The following TMBIM6 variants were observed in gnomAD, a reference collection of about 807,000 sequenced individuals.
TMBIM6 encodes the protein bax inhibitor 1.
TMBIM6 carries 13 observed loss-of-function variants against 31.4 expected under a neutral mutation model. The ratio of observed to expected loss-of-function variants is 0.41; its 90% CI spans 0.27 to 0.66. The LOEUF is 0.66. TMBIM6 is among the 30% of genes least tolerant of loss of function. The pLI is 0.28. For synonymous variants in TMBIM6, 85 were observed against 101.7 expected (o/e 0.84, Z 0.99); for missense variants, 275 against 289.5 (o/e 0.95, Z 0.36).
At chr12:49,758,799 C>A in intron 7 of TMBIM6, 37 bp downstream of exon 7, 1 of 1,531,562 alleles carries the variant, frequency 6.5e-7, no homozygotes, top group Non-Finnish European at 8.9e-7. Flanking sequence ...CAGCCATTTG[C>A]CTCACACTTC....
intron 1 of TMBIM6, among the ~76,000 whole-genome samples, chr12:49,745,541 A>G (rs2136927970): frequency 6.6e-6 from 1 of 152,266 alleles, no homozygotes; most frequent in East Asian, 1.9e-4. Flanking sequence ...CCTGGCCAAC[A>G]TGGCAAAACC....
chr12:49,755,758 A>G lies in TMBIM6; in HGVS notation c.286+3A>G. ...TGCTGGATTTGCATTCCTTACAGGT[A>G]CGTTAAGGGATTTGTCTAATTTTGA... On this transcript the variant is annotated splice_donor_region_variant and intron_variant, in intron 4 of 9. Coordinates refer to ENST00000267115, the MANE Select transcript of TMBIM6 (RefSeq NM_003217.3). The G allele has an allele frequency of 6.2e-7, 1 of 1,612,770 alleles. No homozygotes were observed. The highest frequency in any genetic ancestry group is 8.5e-7 in the Non-Finnish European group (1 of 1,179,462).
intron 1 of TMBIM6, among the ~76,000 whole-genome samples, chr12:49,750,931 C>T (rs1183471122): frequency 3.3e-5 from 5 of 152,176 alleles, no homozygotes; most frequent in Non-Finnish European, 7.3e-5. Context: ...GTGCTTCATT[C>T]AGTAGGTGGC....
chr12:49,752,790 G>T (rs1431614966), intron 2 of TMBIM6, among the ~76,000 whole-genome samples, 183 bp from the exon 3 acceptor site: 1 of 152,100 alleles, frequency 6.6e-6, no homozygotes, highest in Non-Finnish European at 1.5e-5. Flanking sequence ...AGCATTTAAG[G>T]TTCTGTTAAC....
At chr12:49,758,033 TAAAA>T (rs774037062) in intron 4 of TMBIM6, among the ~76,000 whole-genome samples, 190 bp from the exon 5 acceptor site, 7 of 133,176 alleles carry the variant, frequency 5.3e-5, no homozygotes, top group East Asian at 2.2e-4. Context: ...GCTATTTCTA[TAAAA>T]AAAAAAAAAA....
At position 49,763,939 on chromosome 12, in the gene TMBIM6, A is replaced by G. The variant is rs1042976685; in HGVS notation, c.*1043A>G. 6.6e-6 allele frequency: 1 copy of G among 152,254 alleles called. No individual in the cohort carries two copies. The highest frequency in any genetic ancestry group is 6.5e-5 in the Admixed American group (1 of 15,280). 9.4% of individuals were successfully genotyped at this position (152,254 alleles called of 1,614,324 possible). On this transcript the variant is annotated 3_prime_UTR_variant, in exon 10 of 10. Transcript: ENST00000267115. ...GGCTGTGATAACTTAGGAGGCAGCA[A>G]TCCTAATAGTCCTTCAGTGCATTTT...
intron 6 of TMBIM6, 57 bp from the exon 7 acceptor site, chr12:49,758,626 G>T (rs1247197741): frequency 2.5e-6 from 4 of 1,589,618 alleles, no homozygotes; most frequent in Non-Finnish European, 3.5e-6. Context: ...GGCTTTAATG[G>T]GATTGCTTTA....
chr12:49,755,990 C>T (rs1188292893), intron 4 of TMBIM6, among the ~76,000 whole-genome samples: 1 of 151,868 alleles, frequency 6.6e-6, no homozygotes, highest in African/African-American at 2.4e-5. Context: ...CCTGCCACCA[C>T]ACCCGGCTAA....
At chr12:49,760,579 C>T (rs552440184) in intron 8 of TMBIM6, among the ~76,000 whole-genome samples, 1 of 143,246 alleles carries the variant, frequency 7.0e-6, no homozygotes, top group East Asian at 2.0e-4. Context: ...CTTTGTCACC[C>T]AGGCTGGAGT....
At chr12:49,750,164 C>T (rs1462737620) in intron 1 of TMBIM6, among the ~76,000 whole-genome samples, 1 of 152,048 alleles carries the variant, frequency 6.6e-6, no homozygotes, top group Non-Finnish European at 1.5e-5. Context: ...CAGTCAGTAC[C>T]CCCTGGGAAA....
intron 1 of TMBIM6, chr12:49,741,894 G>C (rs1411827786): frequency 3.4e-6 from 2 of 584,010 alleles, no homozygotes; most frequent in Non-Finnish European, 5.8e-6. Flanking sequence ...CAGAGCGCTG[G>C]CGAAGGCCCC....
rs932297026 is a variant in TMBIM6 at position 49,763,419 on chromosome 12, T to A, written c.*523T>A. 2 of 152,978 alleles carry A rather than the reference T, an allele frequency of 1.3e-5. No individual in the cohort carries two copies. The highest frequency in any genetic ancestry group is 2.9e-5 in the Non-Finnish European group (2 of 68,552). The allele number at this position is 152,978 out of a possible 1,614,324, so 9.5% of individuals were successfully genotyped here. A position where few individuals can be genotyped will look rare whatever the true frequency, so the allele number is the denominator to read the frequency against. ...GGCCCTACAAAGAAAATGGAGAGCCTCTTCTGGTGGATGCTTTGCTCCCTC... is the reference window on the plus strand; with the variant it reads ...GGCCCTACAAAGAAAATGGAGAGCCACTTCTGGTGGATGCTTTGCTCCCTC... On this transcript the variant is annotated 3_prime_UTR_variant, in exon 10 of 10. Coordinates refer to ENST00000267115, the MANE Select transcript of TMBIM6 (RefSeq NM_003217.3).
chr12:49,746,408 A>T (rs990610624), intron 1 of TMBIM6, among the ~76,000 whole-genome samples: 1 of 152,202 alleles, frequency 6.6e-6, no homozygotes, highest in African/African-American at 2.4e-5. Flanking sequence ...AAGATATTGT[A>T]GTAATGAGTA....
chr12:49,758,115 G>A, intron 4 of TMBIM6, 112 bp from the exon 5 acceptor site: 2 of 1,110,026 alleles, frequency 1.8e-6, no homozygotes, highest in Non-Finnish European at 2.7e-6. Context: ...TAATTCTTTA[G>A]TCCACGTTTG....
At chr12:49,758,517 T>A in intron 6 of TMBIM6, 37 bp downstream of exon 6, 1 of 1,601,672 alleles carries the variant, frequency 6.2e-7, no homozygotes, top group Non-Finnish European at 8.6e-7. Flanking sequence ...TGGGGGCTCC[T>A]TTTTAGCCAG....
At chr12:49,750,882 G>T (rs939752147) in intron 1 of TMBIM6, among the ~76,000 whole-genome samples, 4 of 152,188 alleles carry the variant, frequency 2.6e-5, no homozygotes, top group African/African-American at 9.7e-5. Flanking sequence ...TTATTACCTA[G>T]ATGAATTGTT....
chr12:49,755,544 C>T (rs1945572647), intron 3 of TMBIM6, 91 bp from the exon 4 acceptor site: 1 of 1,501,384 alleles, frequency 6.7e-7, no homozygotes, highest in South Asian at 1.2e-5. Flanking sequence ...TTAGGAAGTT[C>T]AGACGAGTGT....
intron 2 of TMBIM6, 30 bp from the exon 3 acceptor site, chr12:49,752,943 T>C (rs1315435862): frequency 6.3e-7 from 1 of 1,588,948 alleles, no homozygotes; most frequent in Non-Finnish European, 8.6e-7. Context: ...GATCTGGGAC[T>C]GATTGCTCTT....
At chr12:49,755,840 T>TC (rs1945581186) in intron 4 of TMBIM6, 85 bp downstream of exon 4, 1 of 1,361,848 alleles carries the variant, frequency 7.3e-7, no homozygotes, top group Non-Finnish European at 9.8e-7. Context: ...TTTTTTTCTT[T>TC]TTTTTTTTTT....
Sources: allele counts gnomAD v4.1 joint callset (sites outside exome capture counted in the v4.1 genomes callset), GRCh38; gene constraint gnomAD v4.1.1; transcripts MANE v1.5; gene names NCBI Gene and HGNC (gene_info 2026-07-23, HGNC 2026-07-21).